The following PRKAG3 variants were observed in gnomAD, a reference collection of about 807,000 sequenced individuals.
PRKAG3 encodes 5'-AMP-activated protein kinase subunit gamma-3.
In PRKAG3, 39 loss-of-function variants were observed where a neutral mutation model predicts 56.5. That is an observed-to-expected ratio of 0.69 (90% CI 0.53 to 0.90). The LOEUF is 0.90. Ranked by LOEUF, PRKAG3 falls within the 40% of genes least tolerant of loss-of-function variation. The pLI is 0.00. For missense variants in PRKAG3, 628 were observed against 627.5 expected (o/e 1.00, Z -0.01); for synonymous variants, 243 against 250.1 (o/e 0.97, Z 0.27).
intron 3 of PRKAG3, among the ~76,000 whole-genome samples, 181 bp downstream of exon 3, chr2:218,830,565 A>C (rs2105989715): frequency 6.6e-6 from 1 of 152,338 alleles, no homozygotes; most frequent in South Asian, 2.1e-4. Context: ...TGAGTTGGCC[A>C]TGCTGGCCTC....
chr2:218,830,965 T>G, intron 2 of PRKAG3, 64 bp from the exon 3 acceptor site: 1 of 1,554,812 alleles, frequency 6.4e-7, no homozygotes, highest in Middle Eastern at 2.1e-4. Context: ...ATTCAAATGT[T>G]ATTCATAATC....
chr2:218,829,700 G>A (rs932635293), intron 4 of PRKAG3, among the ~76,000 whole-genome samples: 27 of 152,172 alleles, frequency 1.8e-4, no homozygotes, highest in Admixed American at 9.8e-4. Context: ...TATGTAGGGT[G>A]CAGCAGGCAT....
chr2:218,823,646 C>G (rs753049432), exon 13 of PRKAG3: 81 of 1,592,488 alleles, frequency 5.1e-5, no homozygotes, highest in Non-Finnish European at 6.8e-5. Flanking sequence ...CAGAGCCTAC[C>G]TGAATCATAG....
In PRKAG3 at chr2:218,827,726, A is replaced by C; in HGVS notation, c.821-97T>G. 1 of 1,561,110 alleles carries C rather than the reference A, an allele frequency of 6.4e-7. No homozygotes were observed. Among genetic ancestry groups the C allele is most frequent in the Admixed American group, 1.7e-5 (1 of 59,738 alleles). On this transcript the variant is annotated intron_variant, in intron 7 of 12. Coordinates refer to ENST00000529249, the Ensembl canonical transcript of PRKAG3. This position sits in a 1 kb window ranked among gnomAD's most constrained non-coding sequence, Gnocchi z 5.3. ...CTTCCGTCAGGCACCCGAGGCTCCT[A>C]TTGTCCCTCCCCTGTTCACTCCAGG...
rs760463676 is a variant in PRKAG3, at chr2:218,830,375, C to G, written c.236G>C (p.Arg79Pro). ...GGTGGACTCAGCAGCTGGCCTGGAC[C>G]GGGGACCTGTTTGGGGGAGGAGGGG... Residue 79 changes from arginine to proline, a missense_variant, in exon 4 of 13, where the codon CGG (arginine) becomes CCG (proline). Coordinates refer to ENST00000529249, the Ensembl canonical transcript of PRKAG3. 3.1e-6 allele frequency: 5 copies of G among 1,606,810 alleles called. No individual in the cohort carries two copies. In the African/African-American group the frequency reaches 6.7e-5, roughly 21 times the overall value.
Position 218,831,490 on chromosome 2 carries a change from C to CGCCATACACAGACATGCA in PRKAG3, c.34-133_34-116dup. On this transcript the variant is annotated intron_variant, in intron 1 of 12. Coordinates refer to ENST00000529249, the Ensembl canonical transcript of PRKAG3. ...ACACCAATACACACGCTCAGACACA[C>CGCCATACACAGACATGCA]GCCATACACAGACATGCAGCCATAC... 3.8e-6 allele frequency: 4 copies of CGCCATACACAGACATGCA among 1,057,740 alleles called. No homozygotes were observed. In the South Asian group the frequency reaches 4.6e-5, roughly 12 times the overall value. The allele number at this position is 1,057,740 out of a possible 1,614,324, so 65.5% of individuals were successfully genotyped here. A position where few individuals can be genotyped will look rare whatever the true frequency, so the allele number is the denominator to read the frequency against.
downstream of PRKAG3, chr2:218,822,922 TGGC>T: frequency 2.0e-5 from 20 of 985,582 alleles, no homozygotes; most frequent in Non-Finnish European, 2.4e-5. Flanking sequence ...GGAGCACAGA[TGGC>T]CCTGGGGTAA....
Position 218,827,668 on chromosome 2 carries a change from A to G in PRKAG3, c.821-39T>C. ...CAGAGTCAGGCCAGGGGAGCCGGTCACCTGCCTCACCTTGCAGTCCCAGGC... is the reference window on the plus strand; with the variant it reads ...CAGAGTCAGGCCAGGGGAGCCGGTCGCCTGCCTCACCTTGCAGTCCCAGGC... On this transcript the variant is annotated intron_variant, in intron 7 of 12. Coordinates refer to ENST00000529249, the Ensembl canonical transcript of PRKAG3. The surrounding 1 kb of genome is among the most constrained non-coding windows in gnomAD (Gnocchi z 5.3). 6.2e-7 allele frequency: 1 copy of G among 1,604,112 alleles called. No homozygotes were observed. The highest frequency in any genetic ancestry group is 8.5e-7 in the Non-Finnish European group (1 of 1,171,894).
chr2:218,827,449 G>T lies in PRKAG3; in HGVS notation c.876-76C>A. 1.2e-6 allele frequency: 2 copies of T among 1,609,110 alleles called. No homozygotes were observed. Among genetic ancestry groups the T allele is most frequent in the East Asian group, 2.2e-5 (1 of 44,858 alleles). On this transcript the variant is annotated intron_variant, in intron 8 of 12. Transcript: ENST00000529249. The surrounding 1 kb of genome is among the most constrained non-coding windows in gnomAD (Gnocchi z 5.3). ...TCCATCCCAGGCCCCTAAAAAGGAGGGCAGGGCACCAAGGCTCCCTTGTCT... is the reference window on the plus strand; with the variant it reads ...TCCATCCCAGGCCCCTAAAAAGGAGTGCAGGGCACCAAGGCTCCCTTGTCT...
chr2:218,829,497 T>C (rs558283759), intron 4 of PRKAG3, among the ~76,000 whole-genome samples: 1 of 136,548 alleles, frequency 7.3e-6, no homozygotes, highest in African/African-American at 3.2e-5. Flanking sequence ...ATTTTTTGTA[T>C]TTTTTTTTTT....
Position 218,826,821 on chromosome 2 carries a change from T to C in PRKAG3, c.1168+107A>G, listed in dbSNP as rs977841503. 4.8e-6 allele frequency: 7 copies of C among 1,443,992 alleles called. No homozygotes were observed. The African/African-American group carries it at 9.8e-5, about 20-fold the overall frequency. The allele number at this position is 1,443,992 out of a possible 1,614,324, so 89.4% of individuals were successfully genotyped here. On this transcript the variant is annotated intron_variant, in intron 10 of 12. Coordinates refer to ENST00000529249, the Ensembl canonical transcript of PRKAG3. The stretch of plus-strand genomic sequence containing the variant: ...GACTTCTAATCCCCAGTCCATCCTG[T>C]ACCCCCCACAGGGATGGCATGAGAA...
At chr2:218,831,411 G>A (rs761611822) in intron 1 of PRKAG3, 36 bp from the exon 2 acceptor site, 24 of 1,568,066 alleles carry the variant, frequency 1.5e-5, no homozygotes, top group African/African-American at 2.7e-5. Flanking sequence ...AGTGGGGAAA[G>A]TGCCTTACAT....
Position 218,831,321 on chromosome 2 carries a change from G to A in PRKAG3, c.73+15C>T. On this transcript the variant is annotated intron_variant, in intron 2 of 12. Coordinates refer to ENST00000529249, the Ensembl canonical transcript of PRKAG3. ...GGGAAGAGGTTAGGCCCCAGGGAGG[G>A]GGCATTCTCCCTACCTTGATGCTCA... is the stretch of plus-strand genomic sequence containing the variant. 1.3e-6 allele frequency: 2 copies of A among 1,580,218 alleles called. No homozygotes were observed. Among genetic ancestry groups the A allele is most frequent in the East Asian group, 2.3e-5 (1 of 44,354 alleles).
intron 10 of PRKAG3, 25 bp from the exon 11 acceptor site, chr2:218,824,601 G>C (rs746294524): frequency 8.1e-6 from 13 of 1,599,298 alleles, no homozygotes; most frequent in East Asian, 6.7e-5. Context: ...TGTGGGGGGT[G>C]GGGGGAGAAA....
At chr2:218,826,893 G>T (rs1367131181) in intron 10 of PRKAG3, 35 bp downstream of exon 10, 1 of 1,612,912 alleles carries the variant, frequency 6.2e-7, no homozygotes, top group Admixed American at 1.7e-5. Context: ...CCAGGCCCCA[G>T]CCCAGCCCGA....
Position 218,827,474 on chromosome 2 carries a change from T to C in PRKAG3, c.875+101A>G. The C allele has an allele frequency of 1.2e-6, 2 of 1,602,870 alleles. No homozygotes were observed. The highest frequency in any genetic ancestry group is 1.7e-6 in the Non-Finnish European group (2 of 1,170,228). On this transcript the variant is annotated intron_variant, in intron 8 of 12. Coordinates refer to ENST00000529249, the Ensembl canonical transcript of PRKAG3. This position sits in a 1 kb window ranked among gnomAD's most constrained non-coding sequence, Gnocchi z 5.3. ...GGCAGGGCACCAAGGCTCCCTTGTC[T>C]GTGTGCCGCCTAGGATGAAGAGGTG...
rs1220485041 is a variant in PRKAG3, at chr2:218,823,864, C to CA, written c.1367dup (p.Leu457AlafsTer136). The CA allele has an allele frequency of 1.9e-6, 3 of 1,614,060 alleles. No individual in the cohort carries two copies. Among genetic ancestry groups the CA allele is most frequent in the Non-Finnish European group, 2.5e-6 (3 of 1,179,998 alleles). ...AGAGATGCTGGGTCTCGTCCACTAG[C>CA]ACCAGCCTGTGTACCTGTGGGTCCG... is the stretch of plus-strand genomic sequence containing the variant. On this transcript the variant is annotated frameshift_variant, in exon 13 of 13. Coordinates refer to ENST00000529249, the Ensembl canonical transcript of PRKAG3. LOFTEE classifies it high-confidence loss of function.
At position 218,827,663 on chromosome 2, in the gene PRKAG3, C is replaced by G; in HGVS notation, c.821-34G>C. ...AGAGCCAGAGTCAGGCCAGGGGAGC[C>G]GGTCACCTGCCTCACCTTGCAGTCC... On this transcript the variant is annotated intron_variant, in intron 7 of 12. Coordinates refer to ENST00000529249, the Ensembl canonical transcript of PRKAG3. The surrounding 1 kb of genome is among the most constrained non-coding windows in gnomAD (Gnocchi z 5.3). 6.2e-7 allele frequency: 1 copy of G among 1,610,170 alleles called. No homozygotes were observed. The highest frequency in any genetic ancestry group is 8.5e-7 in the Non-Finnish European group (1 of 1,176,642).
Position 218,831,343 on chromosome 2 carries a change from C to A in PRKAG3, c.66G>T (p.Glu22Asp), listed in dbSNP as rs754263923. The A allele has an allele frequency of 9.4e-6, 15 of 1,599,458 alleles. No homozygotes were observed. Among genetic ancestry groups the A allele is most frequent in the Non-Finnish European group, 1.3e-5 (15 of 1,172,412 alleles). Residue 22 changes from glutamate (E) to aspartate (D), a missense_variant, in exon 2 of 13, where the codon GAG (glutamate) becomes GAT (aspartate). Physicochemically the swap from Glu to Asp is conservative, Grantham distance 45 (BLOSUM62 2). Coordinates refer to ENST00000529249, the Ensembl canonical transcript of PRKAG3. The stretch of plus-strand genomic sequence containing the variant: ...AGGGGGCATTCTCCCTACCTTGATG[C>A]TCAGAACCCCCAAGGCTGCTCCAGG...
Sources: gnomAD v4.1 joint callset for allele counts (sites outside exome capture counted in the v4.1 genomes callset) on GRCh38, gnomAD v4.1.1 for gene constraint, Gnocchi (gnomAD v3.1) non-coding constraint, MANE v1.5 for transcripts, NCBI Gene and HGNC (gene_info 2026-07-23, HGNC 2026-07-21) for gene names.